ZBTB7C: variants seen among roughly 807,000 people sequenced by gnomAD.
ZBTB7C encodes zinc finger and BTB domain containing 7C.
Under a neutral mutation model 25.7 loss-of-function variants are expected in ZBTB7C, and 8 were observed. That is an observed-to-expected ratio of 0.31 (90% CI 0.18 to 0.56). ZBTB7C has a LOEUF of 0.56. Ranked by LOEUF, ZBTB7C falls within the 20% of genes least tolerant of loss-of-function variation. The pLI is 0.91. For synonymous variants in ZBTB7C, 394 were observed against 369.0 expected (o/e 1.07, Z -0.78); for missense variants, 824 against 855.2 (o/e 0.96, Z 0.46).
rs114911052 is a variant in ZBTB7C at position 48,211,409 on chromosome 18, A to G, written c.-78-25414T>C. 2.2e-3 allele frequency among the ~76,000 whole-genome samples: 332 copies of G among 152,270 alleles called. 2 individuals carry two copies. Among genetic ancestry groups the G allele is most frequent in the African/African-American group, 7.6e-3 (316 of 41,522 alleles). ...TCAAGAGAATAAGAAGACAAGCCAT[A>G]GAGTAGGAGAAATATTTGCAAGCAA... is the stretch of plus-strand genomic sequence containing the variant. On this transcript the variant is annotated intron_variant, in intron 2 of 4. Transcript: ENST00000590800.
At chr18:48,093,884 T>C (rs1271380055) in intron 3 of ZBTB7C, among the ~76,000 whole-genome samples, 5 of 149,728 alleles carry the variant, frequency 3.3e-5, no homozygotes, top group Admixed American at 2.0e-4. Context: ...TGAAATCCCG[T>C]CTCTACTAAA....
At chr18:48,144,290 T>A (rs72922116) in intron 3 of ZBTB7C, among the ~76,000 whole-genome samples, 117,087 of 143,448 alleles carry the variant, frequency 0.82, 46,028 homozygotes, top group East Asian at 0.91. Flanking sequence ...AAAAAAAAAA[T>A]TTTTTTTTTC....
intron 3 of ZBTB7C, among the ~76,000 whole-genome samples, chr18:48,095,478 G>A (rs868581070): frequency 2.6e-5 from 4 of 152,122 alleles, no homozygotes; most frequent in South Asian, 2.1e-4. Flanking sequence ...TTGGGAGGCC[G>A]AGGCAGGTTG....
At chr18:48,224,702 C>T (rs924012182) in intron 2 of ZBTB7C, among the ~76,000 whole-genome samples, 21 of 152,186 alleles carry the variant, frequency 1.4e-4, no homozygotes, top group Admixed American at 3.3e-4. Flanking sequence ...CAATTAGACC[C>T]GTAAGGCCTT....
chr18:48,076,596 G>C (rs772078245), intron 3 of ZBTB7C, among the ~76,000 whole-genome samples: 11 of 152,282 alleles, frequency 7.2e-5, no homozygotes, highest in East Asian at 5.8e-4. Context: ...TGGGTGAGTG[G>C]TTGCCCACAC....
rs185344380 is a variant in ZBTB7C, at chr18:48,031,398, C to T, written c.1209-1487G>A. On this transcript the variant is annotated intron_variant, in intron 4 of 4. Coordinates refer to ENST00000590800, the MANE Select transcript of ZBTB7C (RefSeq NM_001318841.2). ...TCACCCTCTTCCCCTCCACATCCCA[C>T]TGCTCCTGCCTTTTTTCAAACCCAC... Among the ~76,000 whole-genome samples, 356 of 152,276 alleles carry T rather than the reference C, an allele frequency of 2.3e-3. 1 individual carries two copies. The highest frequency in any genetic ancestry group is 8.1e-3 in the African/African-American group (336 of 41,544).
At chr18:48,217,162 G>C (rs1227681341) in intron 2 of ZBTB7C, among the ~76,000 whole-genome samples, 1 of 152,204 alleles carries the variant, frequency 6.6e-6, no homozygotes, top group Non-Finnish European at 1.5e-5. Flanking sequence ...CTGGCCTGCA[G>C]AGCCATGAGA....
intron 3 of ZBTB7C, among the ~76,000 whole-genome samples, chr18:48,060,215 A>T (rs2037075874): frequency 6.6e-6 from 1 of 151,988 alleles, no homozygotes; most frequent in African/African-American, 2.4e-5. Flanking sequence ...TTTTCTGCGG[A>T]GTTTGTGCCA....
chr18:48,275,919 CCAAAGG>C (rs2144602566), intron 2 of ZBTB7C, among the ~76,000 whole-genome samples: 1 of 152,266 alleles, frequency 6.6e-6, no homozygotes, highest in South Asian at 2.1e-4. Context: ...TGTTTTCTCC[CCAAAGG>C]CAAATTTGAT....
intron 3 of ZBTB7C, among the ~76,000 whole-genome samples, chr18:48,168,609 A>G (rs1305914407): frequency 2.0e-5 from 3 of 152,152 alleles, no homozygotes; most frequent in Admixed American, 6.5e-5. Context: ...GTAAACACCA[A>G]CTCTTAGGTG....
chr18:48,073,720 C>T (rs2037646357), intron 3 of ZBTB7C, among the ~76,000 whole-genome samples: 1 of 152,110 alleles, frequency 6.6e-6, no homozygotes, highest in South Asian at 2.1e-4. Context: ...GCCGGCTGGC[C>T]TCCGCCCTGG....
intron 3 of ZBTB7C, among the ~76,000 whole-genome samples, chr18:48,152,280 C>T (rs2040702899): frequency 1.3e-5 from 2 of 151,894 alleles, no homozygotes; most frequent in African/African-American, 4.8e-5. Context: ...GGAGACAGCC[C>T]ATTAGTATTC....
chr18:48,122,216 C>T (rs1392231509), intron 3 of ZBTB7C, among the ~76,000 whole-genome samples: 1 of 152,178 alleles, frequency 6.6e-6, no homozygotes, highest in Admixed American at 6.5e-5. Flanking sequence ...CAGCACAGTT[C>T]TTCAGGGCCT....
intron 3 of ZBTB7C, among the ~76,000 whole-genome samples, chr18:48,077,454 C>G (rs1368252303): frequency 6.6e-6 from 1 of 152,198 alleles, no homozygotes; most frequent in Non-Finnish European, 1.5e-5. Context: ...AATAAACGCA[C>G]AAAACCAGGG....
intron 1 of ZBTB7C, among the ~76,000 whole-genome samples, chr18:48,353,591 C>T (rs2046910978): frequency 6.6e-6 from 1 of 152,126 alleles, no homozygotes; most frequent in Admixed American, 6.5e-5. Flanking sequence ...CAGTATTCTC[C>T]AATCCCATCT....
At chr18:48,141,366 C>T (rs1284613666) in intron 3 of ZBTB7C, among the ~76,000 whole-genome samples, 1 of 152,080 alleles carries the variant, frequency 6.6e-6, no homozygotes, top group Non-Finnish European at 1.5e-5. Context: ...TTGACTGTCC[C>T]TCCCACTAGA....
At chr18:48,346,974 G>T (rs61055567) in intron 1 of ZBTB7C, among the ~76,000 whole-genome samples, 1 of 151,056 alleles carries the variant, frequency 6.6e-6, no homozygotes, top group African/African-American at 2.4e-5. Flanking sequence ...TAGTAGAGAT[G>T]GGTTTTCACC....
At chr18:48,253,451 C>T (rs1398493843) in intron 2 of ZBTB7C, among the ~76,000 whole-genome samples, 2 of 152,098 alleles carry the variant, frequency 1.3e-5, no homozygotes, top group East Asian at 1.9e-4. Flanking sequence ...GACAGTGGTG[C>T]TTGAGAGATG....
intron 3 of ZBTB7C, chr18:48,083,945 A>C: frequency 5.3e-6 from 5 of 945,070 alleles, no homozygotes; most frequent in Non-Finnish European, 6.3e-6. Context: ...GCCTTTAAAC[A>C]CGACCTGAGA....
Sources: gnomAD v4.1 joint callset for allele counts (sites outside exome capture counted in the v4.1 genomes callset) on GRCh38, gnomAD v4.1.1 for gene constraint, MANE v1.5 for transcripts, NCBI Gene and HGNC (gene_info 2026-07-23, HGNC 2026-07-21) for gene names.